The following TRPM2 variants were observed in gnomAD, a reference collection of about 807,000 sequenced individuals.
TRPM2 encodes estrogen-responsive element-associated gene 1 protein.
A neutral mutation model predicts 174.0 loss-of-function variants in TRPM2; 161 were observed. The observed-to-expected ratio is 0.93, with a 90% CI of 0.81 to 1.05. TRPM2 has a LOEUF of 1.05. Among genes scored for constraint, TRPM2 ranks in the 50% least tolerant of loss-of-function variants. TRPM2 has a pLI of 0.00. For synonymous variants in TRPM2, 954 were observed against 861.3 expected (o/e 1.11, Z -1.88); for missense variants, 2,057 against 2,038.0 (o/e 1.01, Z -0.18).
At chr21:44,425,018 A>G in intron 24 of TRPM2, 79 bp downstream of exon 24, 2 of 1,269,696 alleles carry the variant, frequency 1.6e-6, no homozygotes, top group East Asian at 5.2e-5. Context: ...GAGGAGAGGC[A>G]GCTGGGGGTG....
chr21:44,417,956 C>T lies in TRPM2; in HGVS notation c.3176C>T (p.Thr1059Met), dbSNP rs761100046. Residue 1059 changes from threonine to methionine, a missense_variant, in exon 21 of 32, where the codon ACG (threonine) becomes ATG (methionine). Coordinates refer to ENST00000397928, the MANE Select transcript of TRPM2 (RefSeq NM_003307.4). ...ACCTTCCAGCAGGTGCAGGAGCACA[C>T]GGACCAGATTTGGAAGTTCCAGCGC... Reference protein sequence around the residue: ...NYTFQQVQEHTDQIWKFQRHD... With the variant: ...NYTFQQVQEHMDQIWKFQRHD... 3.8e-5 allele frequency: 62 copies of T among 1,612,640 alleles called. No homozygotes were observed. Among genetic ancestry groups the T allele is most frequent in the East Asian group, 4.5e-5 (2 of 44,884 alleles).
chr21:44,375,818 TCCTGGC>T lies in TRPM2; in HGVS notation c.772-13_772-8del. 6.2e-7 allele frequency: 1 copy of T among 1,604,886 alleles called. No individual in the cohort carries two copies. Among genetic ancestry groups the T allele is most frequent in the Non-Finnish European group, 8.5e-7 (1 of 1,173,238 alleles). On this transcript the variant is annotated splice_polypyrimidine_tract_variant and intron_variant, in intron 5 of 31. Coordinates refer to ENST00000397928, the MANE Select transcript of TRPM2 (RefSeq NM_003307.4). ...CTTTCCAGAAGCAGTGTCTGACGCT[TCCTGGC>T]CATCCCAGGGCAGCTTCCCCGCCGA...
intron 19 of TRPM2, among the ~76,000 whole-genome samples, chr21:44,412,547 T>C (rs1012862105): frequency 1.3e-5 from 2 of 152,088 alleles, no homozygotes; most frequent in African/African-American, 4.8e-5. Context: ...TTTCAAGAAC[T>C]GAGTTTGGTT....
intron 19 of TRPM2, among the ~76,000 whole-genome samples, chr21:44,411,820 G>A (rs891095557): frequency 2.0e-5 from 3 of 152,164 alleles, no homozygotes; most frequent in African/African-American, 7.2e-5. Flanking sequence ...GGTAGACTTT[G>A]TCAGCTGCTT....
chr21:44,390,422 G>T (rs1381317141), intron 9 of TRPM2, among the ~76,000 whole-genome samples: 1 of 152,190 alleles, frequency 6.6e-6, no homozygotes, highest in Non-Finnish European at 1.5e-5. Flanking sequence ...AGGGAACACA[G>T]AAACTACTTG....
intron 3 of TRPM2, among the ~76,000 whole-genome samples, chr21:44,365,021 A>G: frequency 1.3e-5 from 2 of 151,118 alleles, no homozygotes; most frequent in Non-Finnish European, 3.0e-5. Context: ...AGCCTTTTGG[A>G]GGGTTCTGAG....
chr21:44,369,304 G>T lies in TRPM2; in HGVS notation c.732G>T (p.Trp244Cys). 1 of 1,613,642 alleles carries T rather than the reference G, an allele frequency of 6.2e-7. No homozygotes were observed. Among genetic ancestry groups the T allele is most frequent in the South Asian group, 1.1e-5 (1 of 91,064 alleles). Reference sequence around the variant, plus strand: ...TCATCACCATCGGAGTCGCCACCTGGGGCACTGTCCACCGCCGCGAGGGCC... The same window carrying T: ...TCATCACCATCGGAGTCGCCACCTGTGGCACTGTCCACCGCCGCGAGGGCC... ...GELITIGVAT[W>C]GTVHRREGLI... Residue 244 changes from tryptophan to cysteine, a missense_variant, in exon 5 of 32, where the codon TGG (tryptophan) becomes TGT (cysteine). Physicochemically the swap from Trp to Cys is radical, Grantham distance 215. Transcript: ENST00000397928.
At position 44,438,760 on chromosome 21, in the gene TRPM2, A is replaced by AG. The variant is rs1443871760; in HGVS notation, c.4168-302dup. On this transcript the variant is annotated intron_variant, in intron 29 of 31. Transcript: ENST00000397928. The surrounding 1 kb of genome is among the most constrained non-coding windows in gnomAD (Gnocchi z 5.9). The stretch of plus-strand genomic sequence containing the variant: ...GGGGGCAGGCGCCAGGGGAGCGGGA[A>AG]GGGGGTGCCCTGTCACCCTTGGGGA... Among the ~76,000 whole-genome samples the AG allele has an allele frequency of 4.6e-5, 7 of 152,076 alleles. No homozygotes were observed. The highest frequency in any genetic ancestry group is 8.8e-5 in the Non-Finnish European group (6 of 67,982).
chr21:44,410,332 C>T (rs1362719697), intron 19 of TRPM2, among the ~76,000 whole-genome samples: 6 of 60,296 alleles, frequency 1.0e-4, no homozygotes, highest in South Asian at 9.8e-4. Flanking sequence ...TAAGTTTTGA[C>T]CACACTGTCT....
intron 6 of TRPM2, among the ~76,000 whole-genome samples, chr21:44,377,154 A>G (rs1361457137): frequency 1.3e-5 from 2 of 152,172 alleles, no homozygotes; most frequent in Non-Finnish European, 2.9e-5. Flanking sequence ...CGATGGGCCC[A>G]TGGGGGGCTC....
At chr21:44,440,388 G>A (rs947166116) in intron 30 of TRPM2, among the ~76,000 whole-genome samples, 3 of 150,058 alleles carry the variant, frequency 2.0e-5, no homozygotes, top group Admixed American at 6.7e-5. Context: ...ACCTCTATCC[G>A]GTTCCAGAAC....
chr21:44,430,235 C>T (rs1383754152), intron 27 of TRPM2, among the ~76,000 whole-genome samples: 5 of 152,118 alleles, frequency 3.3e-5, no homozygotes, highest in African/African-American at 4.8e-5. Flanking sequence ...TACTGTCTTA[C>T]TTTGGTTTTG....
At chr21:44,355,720 G>A (rs907057611) in intron 2 of TRPM2, among the ~76,000 whole-genome samples, 1 of 152,082 alleles carries the variant, frequency 6.6e-6, no homozygotes, top group East Asian at 1.9e-4. Context: ...TATGGGGAGG[G>A]AGAAGCATCC....
chr21:44,364,891 T>A (rs1242243607), intron 3 of TRPM2, among the ~76,000 whole-genome samples: 1 of 152,146 alleles, frequency 6.6e-6, no homozygotes, highest in Admixed American at 6.5e-5. Flanking sequence ...CTCACTGAGG[T>A]CCCTGGACCA....
chr21:44,367,316 C>A lies in TRPM2; in HGVS notation c.604+382C>A, dbSNP rs574797763. 6.6e-6 allele frequency among the ~76,000 whole-genome samples: 1 copy of A among 152,140 alleles called. No homozygotes were observed. The highest frequency in any genetic ancestry group is 2.4e-5 in the African/African-American group (1 of 41,422). The stretch of plus-strand genomic sequence containing the variant: ...TGAGAACCTCGGTGGCCTGGGTGCA[C>A]GGCTGGGGCCAGCACTGCAGGCCAT... On this transcript the variant is annotated intron_variant, in intron 4 of 31. Coordinates refer to ENST00000397928, the MANE Select transcript of TRPM2 (RefSeq NM_003307.4). This position sits in a 1 kb window ranked among gnomAD's most constrained non-coding sequence, Gnocchi z 4.6.
chr21:44,381,979 T>G (rs2048893324), intron 8 of TRPM2, among the ~76,000 whole-genome samples: 1 of 149,752 alleles, frequency 6.7e-6, no homozygotes, highest in Non-Finnish European at 1.5e-5. Context: ...GATAGATAGA[T>G]AGATAGATAG....
At position 44,417,909 on chromosome 21, in the gene TRPM2, CT is replaced by C; in HGVS notation, c.3147-15del. 2 of 1,605,546 alleles carry C rather than the reference CT, an allele frequency of 1.2e-6. No homozygotes were observed. The highest frequency in any genetic ancestry group is 3.3e-5 in the Admixed American group (2 of 59,758). ...TAAACACCCTGACCTCGAGGTGTTGCTTTCTCCTCCCTGACAGCTACACCTT... is the reference window on the plus strand; with the variant it reads ...TAAACACCCTGACCTCGAGGTGTTGCTTCTCCTCCCTGACAGCTACACCTT... On this transcript the variant is annotated splice_polypyrimidine_tract_variant and intron_variant, in intron 20 of 31. Transcript: ENST00000397928.
At chr21:44,426,452 G>A (rs1343665367) in intron 25 of TRPM2, among the ~76,000 whole-genome samples, 1 of 150,890 alleles carries the variant, frequency 6.6e-6, no homozygotes, top group African/African-American at 2.4e-5. Context: ...CTGGCCCCAG[G>A]GTGGGGGTCC....
rs189243680 is a variant in TRPM2 at position 44,405,836 on chromosome 21, A to G, written c.2658-69A>G. On this transcript the variant is annotated intron_variant, in intron 17 of 31. Coordinates refer to ENST00000397928, the MANE Select transcript of TRPM2 (RefSeq NM_003307.4). ...CTGGGCTAGGACAGGTGGAGGGGCG[A>G]CGGGGGACAGCTCTGGGGGCTGCTG... 1.0e-3 allele frequency: 1,614 copies of G among 1,558,474 alleles called. 15 individuals carry two copies. In the African/African-American group the frequency reaches 0.013, roughly 13 times the overall value.
Sources: allele counts gnomAD v4.1 joint callset (sites outside exome capture counted in the v4.1 genomes callset), GRCh38; gene constraint gnomAD v4.1.1; non-coding constraint Gnocchi (gnomAD v3.1); transcripts MANE v1.5; gene names NCBI Gene and HGNC (gene_info 2026-07-23, HGNC 2026-07-21).